The following FBXO36 variants were observed in gnomAD, a reference collection of about 807,000 sequenced individuals.
FBXO36 encodes the protein F-box only protein 36.
FBXO36 carries 18 observed loss-of-function variants against 17.0 expected under a neutral mutation model. That is an observed-to-expected ratio of 1.06 (90% CI 0.73 to 1.57). The LOEUF is 1.57. Among genes scored for constraint, FBXO36 ranks in the 40% most tolerant of loss-of-function variants. FBXO36 has a pLI of 0.00. For synonymous variants in FBXO36, 83 were observed against 85.3 expected (o/e 0.97, Z 0.15); for missense variants, 229 against 221.9 (o/e 1.03, Z -0.20).
At chr2:229,943,911 TG>T (rs1215006958) in intron 1 of FBXO36, among the ~76,000 whole-genome samples, 2 of 152,164 alleles carry the variant, frequency 1.3e-5, no homozygotes, top group African/African-American at 4.8e-5. Flanking sequence ...GATTAGATCA[TG>T]GGGGCGGACT....
In FBXO36 at chr2:230,012,687, T is replaced by C. The variant is rs1459913099; in HGVS notation, c.*1803T>C. ...CTCCCAGACTTCACTCATGGCCTAATTTTCAATGACAGAACGTAGGTTTTA... is the reference window on the plus strand; with the variant it reads ...CTCCCAGACTTCACTCATGGCCTAACTTTCAATGACAGAACGTAGGTTTTA... On this transcript the variant is annotated 3_prime_UTR_variant, in exon 4 of 4. Coordinates refer to ENST00000283946, the MANE Select transcript of FBXO36 (RefSeq NM_174899.5). The C allele has an allele frequency of 6.6e-6, 1 of 151,828 alleles. No individual in the cohort carries two copies. Among genetic ancestry groups the C allele is most frequent in the Non-Finnish European group, 1.5e-5 (1 of 67,894 alleles). The allele number at this position is 151,828 out of a possible 1,614,324, so 9.4% of individuals were successfully genotyped here.
At chr2:229,952,564 G>A (rs1308247040) in intron 1 of FBXO36, among the ~76,000 whole-genome samples, 2 of 152,090 alleles carry the variant, frequency 1.3e-5, no homozygotes, top group African/African-American at 2.4e-5. Context: ...GCAAACCTCC[G>A]CCCCGACCTT....
At chr2:229,986,723 C>T (rs544197078) in intron 2 of FBXO36, among the ~76,000 whole-genome samples, 2 of 150,928 alleles carry the variant, frequency 1.3e-5, no homozygotes, top group African/African-American at 2.4e-5. Flanking sequence ...TTAGTAGAGA[C>T]GAGGTTTCAC....
At chr2:230,002,788 A>G (rs1213882936) in intron 3 of FBXO36, among the ~76,000 whole-genome samples, 8 of 152,226 alleles carry the variant, frequency 5.3e-5, no homozygotes, top group Non-Finnish European at 1.2e-4. Context: ...TGCTCAGCAA[A>G]CCAGCAGCAT....
chr2:229,976,434 T>C (rs1446681620), intron 2 of FBXO36, 85 bp downstream of exon 2: 1 of 887,792 alleles, frequency 1.1e-6, no homozygotes, highest in African/African-American at 1.7e-5. Context: ...AAATATATTT[T>C]CACTTGAAAT....
At chr2:229,973,653 G>A (rs13030629) in intron 1 of FBXO36, among the ~76,000 whole-genome samples, 34,691 of 150,336 alleles carry the variant, frequency 0.23, 5,019 homozygotes, top group Middle Eastern at 0.38. Context: ...CCCGGGAGGC[G>A]GAGGGTGCAG....
intron 3 of FBXO36, among the ~76,000 whole-genome samples, chr2:230,000,006 T>A (rs752281406): frequency 5.9e-5 from 9 of 152,118 alleles, no homozygotes; most frequent in Non-Finnish European, 1.2e-4. Flanking sequence ...ATTGTATATA[T>A]TTTTGCCATT....
At position 229,976,340 on chromosome 2, in the gene FBXO36, C is replaced by T. The variant is rs200544029; in HGVS notation, c.196C>T (p.His66Tyr). Residue 66 changes from histidine to tyrosine, a missense_variant, in exon 2 of 4, where the codon CAT becomes TAT. Physicochemically the swap from His to Tyr is moderately conservative, Grantham distance 83. Transcript: ENST00000283946. ...CCATGAAGACTTCCTAGAGAATTCA[C>T]ATCTTCAAGGTAAGGAACGGAACAT... ...ETHEDFLENS[H>Y]LQGQTALIFG... The T allele has an allele frequency of 1.6e-5, 26 of 1,610,338 alleles. No individual in the cohort carries two copies. Among genetic ancestry groups the T allele is most frequent in the Middle Eastern group, 1.7e-4 (1 of 6,050 alleles).
intron 1 of FBXO36, chr2:229,939,144 C>G: frequency 7.8e-6 from 6 of 764,962 alleles, no homozygotes; most frequent in Non-Finnish European, 9.5e-6. Context: ...ACCTCCGGTT[C>G]CCGGGTTCAA....
intron 2 of FBXO36, among the ~76,000 whole-genome samples, chr2:229,983,146 T>C (rs1034613417): frequency 2.6e-5 from 4 of 151,742 alleles, no homozygotes; most frequent in African/African-American, 4.8e-5. Context: ...GAAGCCAAGG[T>C]GGGTGGATCA....
intron 2 of FBXO36, chr2:229,977,206 C>T (rs1488436118): frequency 6.6e-6 from 1 of 152,076 alleles, no homozygotes; most frequent in Non-Finnish European, 1.5e-5. Flanking sequence ...CTATGTTGCT[C>T]AGGCTGTTCT....
intron 1 of FBXO36, among the ~76,000 whole-genome samples, chr2:229,937,054 G>A (rs1173503847): frequency 1.3e-5 from 2 of 151,774 alleles, no homozygotes; most frequent in Admixed American, 6.6e-5. Context: ...CCTCTAAAAC[G>A]CCCCTGACTA....
intron 1 of FBXO36, among the ~76,000 whole-genome samples, chr2:229,949,723 A>T (rs1346975712): frequency 6.6e-6 from 1 of 152,074 alleles, no homozygotes. Flanking sequence ...CAGGAGATTG[A>T]GACCATCCTG....
rs548893886 is a variant in FBXO36, at chr2:229,934,124, G to A, written c.96+11515G>A. ...GCCTTTCAAATCCTATTGTGCAGCC[G>A]GGTGCGGTGGCTCACGCCTGTAATC... On this transcript the variant is annotated intron_variant, in intron 1 of 3. Coordinates refer to ENST00000283946, the MANE Select transcript of FBXO36 (RefSeq NM_174899.5). Among the ~76,000 whole-genome samples, 6 of 152,138 alleles carry A rather than the reference G, an allele frequency of 3.9e-5. No individual in the cohort carries two copies. In the South Asian group the frequency reaches 6.2e-4, roughly 16 times the overall value.
chr2:229,934,764 C>T (rs772886599), intron 1 of FBXO36, among the ~76,000 whole-genome samples: 3 of 152,156 alleles, frequency 2.0e-5, no homozygotes, highest in Non-Finnish European at 2.9e-5. Flanking sequence ...AAATGATTCT[C>T]GTGCCTCAGT....
rs565687650 is a variant in FBXO36 at position 229,980,512 on chromosome 2, T to A, written c.205+4163T>A. Among the ~76,000 whole-genome samples the A allele has an allele frequency of 1.6e-4, 24 of 152,194 alleles. No individual in the cohort carries two copies. In the Middle Eastern group the frequency reaches 0.017, roughly 108 times the overall value. On this transcript the variant is annotated intron_variant, in intron 2 of 3. Transcript: ENST00000283946. ...GGGCCAGAGATGGGAGTCAAAAGCC[T>A]CCCACTGCCTTCTGATTGCTGGCTT...
chr2:229,987,440 G>A (rs1042559623), intron 2 of FBXO36, among the ~76,000 whole-genome samples: 7 of 151,780 alleles, frequency 4.6e-5, no homozygotes, highest in Non-Finnish European at 1.0e-4. Flanking sequence ...CTTGCCAGGG[G>A]TTTACTTCAT....
At chr2:229,962,283 C>T (rs2077125490) in intron 1 of FBXO36, among the ~76,000 whole-genome samples, 1 of 151,516 alleles carries the variant, frequency 6.6e-6, no homozygotes, top group African/African-American at 2.4e-5. Flanking sequence ...TATTCATTTT[C>T]TAACTACTTA....
At chr2:229,938,681 A>G (rs2076979798) in intron 1 of FBXO36, among the ~76,000 whole-genome samples, 1 of 147,054 alleles carries the variant, frequency 6.8e-6, no homozygotes, top group Non-Finnish European at 1.5e-5. Context: ...TATTTTTTGT[A>G]TAGATGGGGT....
Sources: gnomAD v4.1 joint callset for allele counts (sites outside exome capture counted in the v4.1 genomes callset) on GRCh38, gnomAD v4.1.1 for gene constraint, MANE v1.5 for transcripts, NCBI Gene and HGNC (gene_info 2026-07-23, HGNC 2026-07-21) for gene names.